Variants in ANKRD27 observed in about 807,000 individuals in gnomAD.
The protein encoded by ANKRD27 is ankyrin repeat domain-containing protein 27.
A neutral mutation model predicts 129.7 loss-of-function variants in ANKRD27; 112 were observed. That is an observed-to-expected ratio of 0.86 (90% CI 0.74 to 1.01). The LOEUF (loss-of-function observed/expected upper bound fraction) is 1.01. ANKRD27 is among the 50% of genes least tolerant of loss of function. ANKRD27 has a pLI of 0.00. For missense variants in ANKRD27, 1,258 were observed against 1,300.5 expected, an observed-to-expected ratio of 0.97 and a Z score of 0.50; for synonymous variants, 516 against 511.2, an observed-to-expected ratio of 1.01 and a Z score of -0.13.
In ANKRD27 at chr19:32,632,856, A is replaced by T. The variant is rs537958456; in HGVS notation, c.1117-1362T>A. On this transcript the variant is annotated intron_variant, in intron 12 of 28. Transcript: ENST00000306065. Reference sequence around the variant, plus strand: ...TTTTGACTTGGAGGTCCACCTAAAGATAGAGCTGACAGCATCTCTGGGGAT... The same window carrying T: ...TTTTGACTTGGAGGTCCACCTAAAGTTAGAGCTGACAGCATCTCTGGGGAT... Among the ~76,000 whole-genome samples, 29 of 152,306 alleles carry T rather than the reference A, an allele frequency of 1.9e-4. No homozygotes were observed. In the South Asian group the frequency reaches 6.0e-3, roughly 32 times the overall value.
At chr19:32,659,205 G>A (rs1272945067) in intron 1 of ANKRD27, among the ~76,000 whole-genome samples, 160 bp from the exon 2 acceptor site, 1 of 148,250 alleles carries the variant, frequency 6.7e-6, no homozygotes, top group Non-Finnish European at 1.5e-5. Flanking sequence ...GCTCAGCCTC[G>A]GGAGTAGCTG....
intron 23 of ANKRD27, among the ~76,000 whole-genome samples, chr19:32,606,507 G>A (rs1347063030): frequency 6.6e-6 from 1 of 152,222 alleles, no homozygotes; most frequent in Non-Finnish European, 1.5e-5. Context: ...GGGACCAGGT[G>A]AAGAGGGGAG....
In ANKRD27 at chr19:32,643,650, A is replaced by G. The variant is rs1458295734; in HGVS notation, c.526-19T>C. 6.2e-7 allele frequency: 1 copy of G among 1,613,658 alleles called. No homozygotes were observed. The highest frequency in any genetic ancestry group is 1.1e-5 in the South Asian group (1 of 91,054). The stretch of plus-strand genomic sequence containing the variant: ...CTGAGTCCTAAACCACATAGAGCAG[A>G]GGGACAGGCCACCCTTACCAGCAAG... On this transcript the variant is annotated intron_variant, in intron 5 of 28. Coordinates refer to ENST00000306065, the MANE Select transcript of ANKRD27 (RefSeq NM_032139.3).
chr19:32,641,993 C>T, intron 10 of ANKRD27, 31 bp downstream of exon 10: 1 of 1,539,808 alleles, frequency 6.5e-7, no homozygotes, highest in Non-Finnish European at 8.8e-7. Flanking sequence ...TAGCATCTAC[C>T]CCTTGGCCAG....
chr19:32,645,571 T>G (rs1967286554), intron 4 of ANKRD27, among the ~76,000 whole-genome samples: 1 of 152,034 alleles, frequency 6.6e-6, no homozygotes, highest in Non-Finnish European at 1.5e-5. Flanking sequence ...CTTGAGTAAC[T>G]GAGACTACAG....
chr19:32,643,534 G>A, intron 6 of ANKRD27, 38 bp downstream of exon 6: 2 of 1,613,818 alleles, frequency 1.2e-6, no homozygotes, highest in Admixed American at 1.7e-5. Context: ...GCATGGGGGT[G>A]CACCACAATT....
chr19:32,621,571 T>C (rs569251466), intron 18 of ANKRD27, among the ~76,000 whole-genome samples: 1 of 152,118 alleles, frequency 6.6e-6, no homozygotes, highest in African/African-American at 2.4e-5. Flanking sequence ...GAGGTTGCAG[T>C]GAGCCAAGAT....
At chr19:32,642,295 A>G in intron 9 of ANKRD27, 150 bp from the exon 10 acceptor site, 1 of 700,422 alleles carries the variant, frequency 1.4e-6, no homozygotes. Flanking sequence ...CATCTGACTC[A>G]AGTCAGCGGC....
chr19:32,631,499 A>AG lies in ANKRD27; in HGVS notation c.1117-6dup, dbSNP rs1228452626. The AG allele has an allele frequency of 5.0e-6, 8 of 1,613,388 alleles. No homozygotes were observed. Among genetic ancestry groups the AG allele is most frequent in the Non-Finnish European group, 5.9e-6 (7 of 1,179,694 alleles). Reference sequence around the variant, plus strand: ...GTCTCCAAATCCCTCAGACTCCTGCAGGGAAAAAACCAAACACACCACGAG... The same window carrying AG: ...GTCTCCAAATCCCTCAGACTCCTGCAGGGGAAAAAACCAAACACACCACGAG... On this transcript the variant is annotated splice_polypyrimidine_tract_variant and splice_region_variant and intron_variant, in intron 12 of 28. Transcript: ENST00000306065.
In ANKRD27 at chr19:32,642,105, T is replaced by G; in HGVS notation, c.823A>C (p.Asn275His). Reference protein sequence around the residue: ...PRAKRELAQLNKCTSPQQKLV... With the variant: ...PRAKRELAQLHKCTSPQQKLV... ...TTCTGCTGTGGGGAGGTGCATTTGT[T>G]CAGCTGAGCCAGCTCTCTTTTGGCA... is the stretch of plus-strand genomic sequence containing the variant. Residue 275 changes from asparagine (N) to histidine (H), a missense_variant, in exon 10 of 29, where the codon AAC (asparagine) becomes CAC (histidine). Transcript: ENST00000306065. The G allele has an allele frequency of 6.2e-7, 1 of 1,610,760 alleles. No individual in the cohort carries two copies.
chr19:32,634,468 G>A (rs568584939), intron 12 of ANKRD27, among the ~76,000 whole-genome samples: 2 of 152,346 alleles, frequency 1.3e-5, no homozygotes, highest in East Asian at 3.9e-4. Flanking sequence ...CTCCATCCAG[G>A]AGGGCAGAAC....
intron 14 of ANKRD27, 69 bp downstream of exon 14, chr19:32,628,653 A>G: frequency 6.3e-7 from 1 of 1,595,848 alleles, no homozygotes; most frequent in South Asian, 1.1e-5. Flanking sequence ...CACAGCGCAC[A>G]GTGGAGAAGG....
chr19:32,601,497 T>A (rs550245296), intron 26 of ANKRD27, among the ~76,000 whole-genome samples: 1 of 145,412 alleles, frequency 6.9e-6, no homozygotes, highest in African/African-American at 2.6e-5. Context: ...TACTTGAGAG[T>A]GGGAGGCAGC....
At position 32,600,244 on chromosome 19, in the gene ANKRD27, C is replaced by G. The variant is rs1971632005; in HGVS notation, c.2768-194G>C. 6.3e-6 allele frequency: 3 copies of G among 472,962 alleles called. No individual in the cohort carries two copies. The East Asian group carries it at 1.1e-4, about 17-fold the overall frequency. 29.3% of individuals were successfully genotyped at this position (472,962 alleles called of 1,614,324 possible). A position where few individuals can be genotyped will look rare whatever the true frequency, so the allele number is the denominator to read the frequency against. On this transcript the variant is annotated intron_variant, in intron 26 of 28. Coordinates refer to ENST00000306065, the MANE Select transcript of ANKRD27 (RefSeq NM_032139.3). ...GTATCTCCAATCCAAAAATCTAAAG[C>G]CTAAAATGCCACAGGCTGGGTGCAG...
chr19:32,656,092 AAAG>A lies in ANKRD27; in HGVS notation c.102+2819_102+2821del, dbSNP rs752032181. Among the ~76,000 whole-genome samples the A allele has an allele frequency of 0.011, 1,290 of 118,204 alleles. 62 individuals are homozygous for A. In the East Asian group the frequency reaches 0.18, roughly 17 times the overall value. The allele number at this position is 118,204 out of a possible 152,430, so 77.5% of individuals were successfully genotyped here. A position where few individuals can be genotyped will look rare whatever the true frequency, so the allele number is the denominator to read the frequency against. Reference sequence around the variant, plus strand: ...GAAAGAAAGAAAGAAAGAAAGAAAGAAAGAAAGAAAGAAAGAAAAGAAAAGAAA... The same window carrying A: ...GAAAGAAAGAAAGAAAGAAAGAAAGAAAAGAAAGAAAGAAAAGAAAAGAAA... On this transcript the variant is annotated intron_variant, in intron 2 of 28. Coordinates refer to ENST00000306065, the MANE Select transcript of ANKRD27 (RefSeq NM_032139.3).
chr19:32,619,232 T>C (rs1391710324), intron 20 of ANKRD27, 28 bp downstream of exon 20: 2 of 1,533,110 alleles, frequency 1.3e-6, no homozygotes, highest in East Asian at 2.3e-5. Context: ...AGGCCTCCCC[T>C]CCCCAGCCCT....
chr19:32,625,714 G>A (rs1972078345), intron 17 of ANKRD27, among the ~76,000 whole-genome samples, 160 bp downstream of exon 17: 1 of 152,162 alleles, frequency 6.6e-6, no homozygotes, highest in African/African-American at 2.4e-5. Flanking sequence ...TTACAGGCGT[G>A]AGCCACCGTG....
rs191947775 is a variant in ANKRD27, at chr19:32,632,357, G to A, written c.1117-863C>T. On this transcript the variant is annotated intron_variant, in intron 12 of 28. Transcript: ENST00000306065. ...CCCCAGCACTTTGAGGGGCCGAGGC[G>A]CGTGGATCACTTGAGGTCAGGAGTT... Among the ~76,000 whole-genome samples the A allele has an allele frequency of 1.1e-3, 163 of 151,864 alleles. 1 individual carries two copies. The highest frequency in any genetic ancestry group is 1.1e-3 in the Non-Finnish European group (75 of 67,946).
rs531281941 is a variant in ANKRD27 at position 32,625,676 on chromosome 19, C to T, written c.1629+198G>A. 2.0e-5 allele frequency among the ~76,000 whole-genome samples: 3 copies of T among 152,250 alleles called. No individual in the cohort carries two copies. In the South Asian group the frequency reaches 6.2e-4, roughly 32 times the overall value. On this transcript the variant is annotated intron_variant, in intron 17 of 28. Transcript: ENST00000306065. Reference sequence around the variant, plus strand: ...CGAACTCCTGACCTCAGATGATCTGCCCACCTCAGCCTCCCAAAGTGCTGG... The same window carrying T: ...CGAACTCCTGACCTCAGATGATCTGTCCACCTCAGCCTCCCAAAGTGCTGG...
Sources: gnomAD v4.1 joint callset for allele counts (sites outside exome capture counted in the v4.1 genomes callset) on GRCh38, gnomAD v4.1.1 for gene constraint, MANE v1.5 for transcripts, NCBI Gene and HGNC (gene_info 2026-07-23, HGNC 2026-07-21) for gene names.